UBR2: variants seen among roughly 807,000 people sequenced by gnomAD.
UBR2 encodes ubiquitin protein ligase E3 component n-recognin 2.
UBR2 carries 92 observed loss-of-function variants against 247.9 expected under a neutral mutation model. That is an observed-to-expected ratio of 0.37 (90% CI 0.31 to 0.44). The LOEUF (loss-of-function observed/expected upper bound fraction) is 0.44. UBR2 is among the 20% of genes least tolerant of loss of function. The probability of loss-of-function intolerance (pLI) is 1.00; values close to 1 mark genes in which losing one functional copy is unlikely to be tolerated. For synonymous variants in UBR2, 672 were observed against 693.5 expected (o/e 0.97, Z 0.49); for missense variants, 1,613 against 2,112.6 (o/e 0.76, Z 4.64).
Position 42,615,126 on chromosome 6 carries a change from A to C in UBR2, c.1041A>C (p.Glu347Asp). The C allele has an allele frequency of 6.2e-7, 1 of 1,613,712 alleles. No homozygotes were observed. The highest frequency in any genetic ancestry group is 8.5e-7 in the Non-Finnish European group (1 of 1,179,814). The change falls in exon 9 of 47, where the codon GAA becomes GAC. Residue 347 changes from glutamate to aspartate, a missense_variant. This residue lies in a region of UBR2 where 1,524 missense variants were observed against 1,967.3 expected (regional missense o/e 0.77). Coordinates refer to ENST00000372901, the MANE Select transcript of UBR2 (RefSeq NM_001363705.2). ...QVGLQEGPDG[E>D]NSSLVDRLML... ...GTTTACAAGAAGGGCCAGATGGTGA[A>C]AACTCTTCTCTAGTGGACAGACTGA...
At chr6:42,639,451 G>C (rs1796293373) in intron 15 of UBR2, among the ~76,000 whole-genome samples, 1 of 152,196 alleles carries the variant, frequency 6.6e-6, no homozygotes, top group Non-Finnish European at 1.5e-5. Context: ...AAATTAGCTG[G>C]GCATGGTGGA....
At chr6:42,596,340 G>A (rs1792976368) in intron 4 of UBR2, among the ~76,000 whole-genome samples, 1 of 151,644 alleles carries the variant, frequency 6.6e-6, no homozygotes, top group South Asian at 2.1e-4. Flanking sequence ...GACTATTAAA[G>A]TAATAACAAG....
intron 11 of UBR2, among the ~76,000 whole-genome samples, chr6:42,630,341 C>A (rs1258248946): frequency 1.3e-5 from 2 of 151,952 alleles, no homozygotes; most frequent in East Asian, 1.9e-4. Context: ...CCCACCACCA[C>A]GCCCAGCTAA....
At chr6:42,669,594 T>C (rs1798315109) in intron 34 of UBR2, among the ~76,000 whole-genome samples, 1 of 152,206 alleles carries the variant, frequency 6.6e-6, no homozygotes, top group Non-Finnish European at 1.5e-5. Context: ...AAATGTTTAT[T>C]AGTCCTTGGA....
At chr6:42,658,496 C>A in intron 28 of UBR2, 150 bp from the exon 29 acceptor site, 1 of 1,097,728 alleles carries the variant, frequency 9.1e-7, no homozygotes, top group Non-Finnish European at 1.3e-6. Context: ...TTCTTTAAAA[C>A]AAGTCAGTTT....
At chr6:42,667,821 G>A (rs1204887218) in intron 34 of UBR2, among the ~76,000 whole-genome samples, 1 of 146,704 alleles carries the variant, frequency 6.8e-6, no homozygotes, top group Non-Finnish European at 1.5e-5. Flanking sequence ...GTGCAGTGGC[G>A]TGATCTCAGC....
At chr6:42,594,976 G>T (rs1792876583) in intron 4 of UBR2, among the ~76,000 whole-genome samples, 1 of 151,868 alleles carries the variant, frequency 6.6e-6, no homozygotes, top group Non-Finnish European at 1.5e-5. Context: ...TCTTTCAATG[G>T]TATGCTACAA....
chr6:42,689,807 C>T lies in UBR2; in HGVS notation c.5126+137C>T, dbSNP rs1799651384. 2 of 746,558 alleles carry T rather than the reference C, an allele frequency of 2.7e-6. No individual in the cohort carries two copies. The highest frequency in any genetic ancestry group is 4.6e-6 in the Non-Finnish European group (2 of 435,708). The allele number at this position is 746,558 out of a possible 1,614,324, so 46.2% of individuals were successfully genotyped here. ...CTGTGGAGTCTTCCAAGGAGGGTGC[C>T]CTGTCAGCCTGGTTTGGTGTTCTTT... is the stretch of plus-strand genomic sequence containing the variant. On this transcript the variant is annotated intron_variant, in intron 46 of 46. Transcript: ENST00000372901. The surrounding 1 kb of genome is among the most constrained non-coding windows in gnomAD (Gnocchi z 4.0).
Position 42,663,186 on chromosome 6 carries a change from A to G in UBR2, c.3537-72A>G, listed in dbSNP as rs907905327. On this transcript the variant is annotated intron_variant, in intron 31 of 46. Transcript: ENST00000372901. ...TATTTGTGGAAACAAATTATTTTAA[A>G]TGTTGAAGCTTATGGCTGTCATTTA... 85 of 1,232,572 alleles carry G rather than the reference A, an allele frequency of 6.9e-5. 1 individual carries two copies. In the Admixed American group the frequency reaches 2.5e-3, roughly 36 times the overall value. The allele number at this position is 1,232,572 out of a possible 1,614,324, so 76.4% of individuals were successfully genotyped here.
chr6:42,604,281 G>A (rs1003386527), intron 5 of UBR2, among the ~76,000 whole-genome samples: 13 of 152,084 alleles, frequency 8.5e-5, no homozygotes, highest in Non-Finnish European at 1.9e-4. Flanking sequence ...TATTTTCCTT[G>A]TTAGTGTGCT....
chr6:42,682,508 C>G (rs945906287), intron 42 of UBR2, among the ~76,000 whole-genome samples: 1 of 151,948 alleles, frequency 6.6e-6, no homozygotes, highest in African/African-American at 2.4e-5. Flanking sequence ...ACAGCTCATC[C>G]TCCTGGGTTC....
intron 4 of UBR2, among the ~76,000 whole-genome samples, chr6:42,600,118 A>G (rs544092108): frequency 2.6e-5 from 4 of 152,288 alleles, no homozygotes; most frequent in East Asian, 1.9e-4. Flanking sequence ...TACATTGCAT[A>G]TGATAACAGT....
At chr6:42,629,141 C>G (rs1344749171) in intron 11 of UBR2, among the ~76,000 whole-genome samples, 1 of 151,970 alleles carries the variant, frequency 6.6e-6, no homozygotes, top group Non-Finnish European at 1.5e-5. Context: ...CTCAGCTTCC[C>G]TAGTAGCTGG....
chr6:42,656,402 G>T (rs1582660764), intron 26 of UBR2, among the ~76,000 whole-genome samples: 1 of 152,006 alleles, frequency 6.6e-6, no homozygotes, highest in Non-Finnish European at 1.5e-5. Flanking sequence ...GCCCATTTTG[G>T]TCAGTGGGAG....
intron 14 of UBR2, among the ~76,000 whole-genome samples, chr6:42,636,196 T>G (rs1366324093): frequency 1.8e-5 from 2 of 110,804 alleles, no homozygotes; most frequent in Admixed American, 9.6e-5. Flanking sequence ...TTTTTTTTTT[T>G]GAGACACAGC....
intron 11 of UBR2, among the ~76,000 whole-genome samples, chr6:42,631,112 C>A (rs1357169368): frequency 6.6e-6 from 1 of 152,110 alleles, no homozygotes; most frequent in Non-Finnish European, 1.5e-5. Flanking sequence ...CCTTGTTCTA[C>A]GTTTTGATGA....
chr6:42,646,816 TATATAGAG>T (rs1234962561), intron 21 of UBR2, among the ~76,000 whole-genome samples: 20 of 148,984 alleles, frequency 1.3e-4, no homozygotes, highest in African/African-American at 4.5e-4. Flanking sequence ...TTTATATATA[TATATAGAG>T]AGAGAGAGAG....
rs1161068427 is a variant in UBR2 at position 42,667,587 on chromosome 6, C to CTTTTTTTTT, written c.3881+1358_3881+1366dup. On this transcript the variant is annotated intron_variant, in intron 34 of 46. Coordinates refer to ENST00000372901, the MANE Select transcript of UBR2 (RefSeq NM_001363705.2). ...TATTTCCTTTCTTGTACAGTTTTGT[C>CTTTTTTTTT]TTTTTTTTTTTTTTTTTTTTTTTTG... Among the ~76,000 whole-genome samples the CTTTTTTTTT allele has an allele frequency of 2.8e-3, 131 of 47,406 alleles. 1 individual carries two copies. The highest frequency in any genetic ancestry group is 3.3e-3 in the African/African-American group (37 of 11,076). 31.1% of individuals were successfully genotyped at this position (47,406 alleles called of 152,430 possible). A position where few individuals can be genotyped will look rare whatever the true frequency, so the allele number is the denominator to read the frequency against.
chr6:42,593,248 C>T (rs1385726839), intron 3 of UBR2, among the ~76,000 whole-genome samples: 1 of 152,120 alleles, frequency 6.6e-6, no homozygotes, highest in Non-Finnish European at 1.5e-5. Context: ...TCATTAGTCT[C>T]ATAAATCAGT....
Sources: gnomAD v4.1 joint callset for allele counts (sites outside exome capture counted in the v4.1 genomes callset) on GRCh38, gnomAD v4.1.1 for gene constraint, gnomAD v4.1.1 regional missense constraint, Gnocchi (gnomAD v3.1) non-coding constraint, MANE v1.5 for transcripts, NCBI Gene and HGNC (gene_info 2026-07-23, HGNC 2026-07-21) for gene names.